Variants in RUFY3 observed in about 807,000 individuals in gnomAD.
RUFY3 encodes protein RUFY3.
A neutral mutation model predicts 84.0 loss-of-function variants in RUFY3; 34 were observed. The ratio of observed to expected loss-of-function variants is 0.40; its 90% CI spans 0.31 to 0.54. The LOEUF (loss-of-function observed/expected upper bound fraction) is 0.54, where lower values mean the gene tolerates loss of function less well. RUFY3 is among the 20% of genes least tolerant of loss of function. RUFY3 has a pLI of 0.39. For synonymous variants in RUFY3, 242 were observed against 252.9 expected, an observed-to-expected ratio of 0.96 and a Z score of 0.41; for missense variants, 507 against 736.8, an observed-to-expected ratio of 0.69 and a Z score of 3.61.
rs146502453 is a variant in RUFY3 at position 70,760,678 on chromosome 4, T to C, written c.179-1841T>C. Reference sequence around the variant, plus strand: ...CTGTCTTTCAGGGCATAGTTTTCCATGTATTTTGCTGTCCTCTTGTGAGAA... The same window carrying C: ...CTGTCTTTCAGGGCATAGTTTTCCACGTATTTTGCTGTCCTCTTGTGAGAA... On this transcript the variant is annotated intron_variant, in intron 1 of 17. Coordinates refer to ENST00000381006, the MANE Select transcript of RUFY3 (RefSeq NM_001037442.4). Among the ~76,000 whole-genome samples the C allele has an allele frequency of 1.3e-3, 192 of 152,312 alleles. 1 individual carries two copies. The highest frequency in any genetic ancestry group is 0.012 in the South Asian group (56 of 4,830).
rs185534972 is a variant in RUFY3, at chr4:70,755,049, G to A, written c.179-7470G>A. 3.7e-3 allele frequency among the ~76,000 whole-genome samples: 569 copies of A among 152,008 alleles called. 7 individuals carry two copies. Among genetic ancestry groups the A allele is most frequent in the South Asian group, 0.033 (159 of 4,820 alleles). ...CTCCCTAGTAGCTGGGATTACAGGC[G>A]CCTGCCACCATGCCCAGCTAATTTT... On this transcript the variant is annotated intron_variant, in intron 1 of 17. Transcript: ENST00000381006.
At chr4:70,705,402 G>T (rs1740174899) in intron 1 of RUFY3, 2 of 782,944 alleles carry the variant, frequency 2.6e-6, no homozygotes, top group East Asian at 3.5e-5. Context: ...GACCCGAGCC[G>T]GGTGGCCGGG....
intron 1 of RUFY3, among the ~76,000 whole-genome samples, chr4:70,757,636 T>C (rs1193352886): frequency 6.6e-6 from 1 of 152,048 alleles, no homozygotes; most frequent in Non-Finnish European, 1.5e-5. Flanking sequence ...AAATAAAATA[T>C]TTGTCCTGGA....
At chr4:70,744,657 T>TA (rs1292200067) in intron 1 of RUFY3, among the ~76,000 whole-genome samples, 5 of 127,864 alleles carry the variant, frequency 3.9e-5, no homozygotes, top group African/African-American at 2.0e-4. Flanking sequence ...ATTTTGAATT[T>TA]TTTTTTTTTT....
intron 1 of RUFY3, among the ~76,000 whole-genome samples, chr4:70,730,786 A>G (rs1719127839): frequency 6.6e-6 from 1 of 152,090 alleles, no homozygotes; most frequent in African/African-American, 2.4e-5. Flanking sequence ...CAAGGGTGTA[A>G]TAACCGGTAG....
rs1560533261 is a variant in RUFY3 at position 70,775,160 on chromosome 4, T to TC, written c.759-3dup. On this transcript the variant is annotated splice_polypyrimidine_tract_variant and splice_region_variant and intron_variant, in intron 6 of 17. Coordinates refer to ENST00000381006, the MANE Select transcript of RUFY3 (RefSeq NM_001037442.4). Reference sequence around the variant, plus strand: ...TATTTTATTTCTATTTTCTTCCCCTTCCCCCAGAGACGGTCAGATTACTGC... The same window carrying TC: ...TATTTTATTTCTATTTTCTTCCCCTTCCCCCCAGAGACGGTCAGATTACTGC... The TC allele has an allele frequency of 6.3e-7, 1 of 1,584,422 alleles. No individual in the cohort carries two copies. Among genetic ancestry groups the TC allele is most frequent in the Non-Finnish European group, 8.6e-7 (1 of 1,160,456 alleles).
Position 70,722,225 on chromosome 4 carries a change from C to A in RUFY3, c.-349C>A. On this transcript the variant is annotated 5_prime_UTR_variant, in exon 1 of 18. The change creates a new upstream start codon in the 5' untranslated region. Transcript: ENST00000381006. The stretch of plus-strand genomic sequence containing the variant: ...TTAAAGCCAGCTAAGGCAGCATCAG[C>A]TGTGCGGGATTTAAAGCCTATAGCT... 1 of 1,229,340 alleles carries A rather than the reference C, an allele frequency of 8.1e-7. No homozygotes were observed. The highest frequency in any genetic ancestry group is 1.0e-6 in the Non-Finnish European group (1 of 987,306). 76.2% of individuals were successfully genotyped at this position (1,229,340 alleles called of 1,614,324 possible).
At chr4:70,774,644 A>AAAATAT (rs1553916771) in intron 6 of RUFY3, among the ~76,000 whole-genome samples, 4 of 56,676 alleles carry the variant, frequency 7.1e-5, no homozygotes, top group East Asian at 6.4e-4. Flanking sequence ...AAAAAAAAAA[A>AAAATAT]ATATATATAT....
intron 1 of RUFY3, among the ~76,000 whole-genome samples, chr4:70,732,652 C>G (rs936548241): frequency 5.9e-5 from 9 of 151,706 alleles, no homozygotes; most frequent in Non-Finnish European, 1.3e-4. Context: ...CAAGCTATCA[C>G]AAGGACAAAA....
At chr4:70,730,478 C>T (rs1230204032) in intron 1 of RUFY3, among the ~76,000 whole-genome samples, 2 of 151,442 alleles carry the variant, frequency 1.3e-5, no homozygotes, top group South Asian at 2.1e-4. Context: ...GTGGCTCACA[C>T]TTGTAATCCC....
intron 17 of RUFY3, 69 bp from the exon 18 acceptor site, chr4:70,806,447 T>A (rs1732855660): frequency 1.9e-6 from 3 of 1,578,996 alleles, no homozygotes; most frequent in Non-Finnish European, 2.6e-6. Flanking sequence ...CATATTTGGC[T>A]TTTTATATCC....
intron 14 of RUFY3, among the ~76,000 whole-genome samples, chr4:70,798,594 CA>C (rs1731822536): frequency 6.6e-6 from 1 of 152,124 alleles, no homozygotes; most frequent in Admixed American, 6.5e-5. Context: ...CAAGCCTGGG[CA>C]ACATGGTGAA....
chr4:70,793,460 G>A, intron 12 of RUFY3: 5 of 1,137,470 alleles, frequency 4.4e-6, no homozygotes, highest in Non-Finnish European at 5.4e-6. Flanking sequence ...TGTACTTGAG[G>A]TTGGCTTTGG....
chr4:70,716,188 C>CA (rs1382156274), intron 1 of RUFY3, among the ~76,000 whole-genome samples: 2 of 152,058 alleles, frequency 1.3e-5, no homozygotes, highest in African/African-American at 4.8e-5. Flanking sequence ...CTCTCTTGCC[C>CA]AGGCTGGAGT....
At chr4:70,753,470 A>G (rs1192282119) in intron 1 of RUFY3, among the ~76,000 whole-genome samples, 2 of 152,188 alleles carry the variant, frequency 1.3e-5, no homozygotes, top group East Asian at 1.9e-4. Context: ...GATGAAGCCA[A>G]CTGTGAAATC....
At chr4:70,715,735 G>C (rs1171057604) in intron 1 of RUFY3, among the ~76,000 whole-genome samples, 1 of 151,790 alleles carries the variant, frequency 6.6e-6, no homozygotes, top group Non-Finnish European at 1.5e-5. Flanking sequence ...TACAAATTTA[G>C]TTGCACAACT....
chr4:70,790,524 G>T lies in RUFY3; in HGVS notation c.1337+932G>T, dbSNP rs1411879557. Among the ~76,000 whole-genome samples the T allele has an allele frequency of 2.0e-5, 3 of 151,942 alleles. No homozygotes were observed. In the East Asian group the frequency reaches 5.8e-4, roughly 29 times the overall value. On this transcript the variant is annotated intron_variant, in intron 12 of 17. Coordinates refer to ENST00000381006, the MANE Select transcript of RUFY3 (RefSeq NM_001037442.4). ...TCGTCAGATACATTTTTAAGTTTAGGCTCAAATGCCACCTCCCCAGAGTTT... is the reference window on the plus strand; with the variant it reads ...TCGTCAGATACATTTTTAAGTTTAGTCTCAAATGCCACCTCCCCAGAGTTT...
chr4:70,705,632 C>T (rs534260201), intron 1 of RUFY3, among the ~76,000 whole-genome samples: 1 of 152,198 alleles, frequency 6.6e-6, no homozygotes, highest in Admixed American at 6.5e-5. Flanking sequence ...CTGCCTGCCC[C>T]CCTCCACCCG....
chr4:70,756,749 CA>C (rs1724086597), intron 1 of RUFY3, among the ~76,000 whole-genome samples: 1 of 152,160 alleles, frequency 6.6e-6, no homozygotes, highest in South Asian at 2.1e-4. Context: ...TTCTCCTATG[CA>C]TATTCCCCTG....
Sources: allele counts gnomAD v4.1 joint callset (sites outside exome capture counted in the v4.1 genomes callset), GRCh38; gene constraint gnomAD v4.1.1; transcripts MANE v1.5; gene names NCBI Gene and HGNC (gene_info 2026-07-23, HGNC 2026-07-21).